Variants in SLC16A7 observed in about 807,000 individuals in gnomAD.
SLC16A7 encodes monocarboxylate transporter 2.
Under a neutral mutation model 34.9 loss-of-function variants are expected in SLC16A7, and 33 were observed. That is an observed-to-expected ratio of 0.94 (90% CI 0.72 to 1.26). SLC16A7 has a LOEUF of 1.26. SLC16A7 is among the 50% of genes most tolerant of loss of function. SLC16A7 has a pLI of 0.00. For missense variants in SLC16A7, 573 were observed against 578.1 expected (o/e 0.99, Z 0.09); for synonymous variants, 201 against 206.6 (o/e 0.97, Z 0.23).
intron 3 of SLC16A7, among the ~76,000 whole-genome samples, chr12:59,740,457 A>G (rs986296230): frequency 3.3e-5 from 5 of 152,162 alleles, no homozygotes; most frequent in African/African-American, 9.7e-5. Context: ...GCCTTGTAGT[A>G]TAGTTTGAAG....
chr12:59,679,828 C>T (rs956763950), intron 2 of SLC16A7, among the ~76,000 whole-genome samples: 5 of 151,930 alleles, frequency 3.3e-5, no homozygotes, highest in African/African-American at 1.2e-4. Flanking sequence ...ATCATAAGGG[C>T]AAAATTAGAA....
intron 3 of SLC16A7, among the ~76,000 whole-genome samples, chr12:59,763,116 G>A (rs1881191735): frequency 6.6e-6 from 1 of 151,850 alleles, no homozygotes; most frequent in Admixed American, 6.6e-5. Flanking sequence ...GATAATTACT[G>A]AATAAAATGT....
At position 59,771,348 on chromosome 12, in the gene SLC16A7, TG is replaced by T. The variant is rs779396255; in HGVS notation, c.350del (p.Gly117AspfsTer6). ...AGCGTGGTACAGCTGTACCTCACTATGGGATTCATTACAGGTAAGCCATTTA... is the reference window on the plus strand; with the variant it reads ...AGCGTGGTACAGCTGTACCTCACTATGGATTCATTACAGGTAAGCCATTTA... ...SSSVVQLYLT[M>X]GFITGLGLAF... On this transcript the variant is annotated frameshift_variant, in exon 4 of 6. Coordinates refer to ENST00000547379, the MANE Select transcript of SLC16A7 (RefSeq NM_001270623.2). LOFTEE classifies it high-confidence loss of function. The T allele has an allele frequency of 4.4e-6, 7 of 1,605,460 alleles. No individual in the cohort carries two copies. Among genetic ancestry groups the T allele is most frequent in the Admixed American group, 1.7e-5 (1 of 58,546 alleles).
At chr12:59,652,062 T>C (rs1229075093) in intron 1 of SLC16A7, among the ~76,000 whole-genome samples, 1 of 151,892 alleles carries the variant, frequency 6.6e-6, no homozygotes, top group Non-Finnish European at 1.5e-5. Context: ...CCTTATAGAG[T>C]AGATTGTTTG....
chr12:59,610,944 T>G (rs1426112343), intron 1 of SLC16A7, among the ~76,000 whole-genome samples: 1 of 152,038 alleles, frequency 6.6e-6, no homozygotes, highest in African/African-American at 2.4e-5. Context: ...TTCACAGTTC[T>G]GGAGGCTGGC....
Position 59,782,039 on chromosome 12 carries a change from C to T in SLC16A7, c.*2360C>T, listed in dbSNP as rs1444235119. 10 of 152,166 alleles carry T rather than the reference C, an allele frequency of 6.6e-5. No homozygotes were observed. Among genetic ancestry groups the T allele is most frequent in the Non-Finnish European group, 1.5e-4 (10 of 68,022 alleles). The allele number at this position is 152,166 out of a possible 1,614,324, so 9.4% of individuals were successfully genotyped here. ...TCAAAACCAGTTCACATTTGTCTGG[C>T]TGCTCTTTGGTTGTCTTCATTCGTT... is the stretch of plus-strand genomic sequence containing the variant. On this transcript the variant is annotated 3_prime_UTR_variant, in exon 6 of 6. Coordinates refer to ENST00000547379, the MANE Select transcript of SLC16A7 (RefSeq NM_001270623.2).
rs551596781 is a variant in SLC16A7 at position 59,728,545 on chromosome 12, A to G, written c.217+23527A>G. 2.6e-5 allele frequency among the ~76,000 whole-genome samples: 4 copies of G among 152,326 alleles called. No homozygotes were observed. In the South Asian group the frequency reaches 8.3e-4, roughly 32 times the overall value. On this transcript the variant is annotated intron_variant, in intron 3 of 5. Transcript: ENST00000547379. ...TATCGTCATCCAGGTGTGGTGGCTC[A>G]TGCTTGTAATCCCAGCACTTTGGAA... is the stretch of plus-strand genomic sequence containing the variant.
At chr12:59,777,259 A>G (rs929987496) in intron 5 of SLC16A7, among the ~76,000 whole-genome samples, 3 of 152,192 alleles carry the variant, frequency 2.0e-5, no homozygotes, top group Non-Finnish European at 4.4e-5. Flanking sequence ...GACTGTAGCC[A>G]TTATATATCC....
rs1883740156 is a variant in SLC16A7 at position 59,787,999 on chromosome 12, T to C, written c.*8320T>C. 6.6e-6 allele frequency: 1 copy of C among 152,220 alleles called. No individual in the cohort carries two copies. The highest frequency in any genetic ancestry group is 2.4e-5 in the African/African-American group (1 of 41,464). The allele number at this position is 152,220 out of a possible 1,614,324, so 9.4% of individuals were successfully genotyped here. On this transcript the variant is annotated 3_prime_UTR_variant, in exon 6 of 6. Coordinates refer to ENST00000547379, the MANE Select transcript of SLC16A7 (RefSeq NM_001270623.2). ...AAGTGCTTGCTACAACTGACTAAAT[T>C]TGAAGCTTTTTATGTAAAAGTTCTT... is the stretch of plus-strand genomic sequence containing the variant.
chr12:59,685,330 G>T (rs1308974265), intron 2 of SLC16A7, among the ~76,000 whole-genome samples: 1 of 152,134 alleles, frequency 6.6e-6, no homozygotes, highest in African/African-American at 2.4e-5. Flanking sequence ...CCTTGGAGAG[G>T]ATTTTCATAG....
rs184345677 is a variant in SLC16A7, at chr12:59,596,823, G to C, written c.-130+587G>C. 1.3e-5 allele frequency among the ~76,000 whole-genome samples: 2 copies of C among 152,324 alleles called. No individual in the cohort carries two copies. The highest frequency in any genetic ancestry group is 4.8e-5 in the African/African-American group (2 of 41,576). ...AGACGAAATACCGGGGGATGGGGGGGTTGTCTTTCTTCATTTTTGGTCCCC... is the reference window on the plus strand; with the variant it reads ...AGACGAAATACCGGGGGATGGGGGGCTTGTCTTTCTTCATTTTTGGTCCCC... On this transcript the variant is annotated intron_variant, in intron 1 of 5. Coordinates refer to ENST00000547379, the MANE Select transcript of SLC16A7 (RefSeq NM_001270623.2). This position sits in a 1 kb window ranked among gnomAD's most constrained non-coding sequence, Gnocchi z 5.0.
At chr12:59,619,309 G>A (rs932671186) in intron 1 of SLC16A7, among the ~76,000 whole-genome samples, 1 of 151,932 alleles carries the variant, frequency 6.6e-6, no homozygotes, top group Non-Finnish European at 1.5e-5. Flanking sequence ...AATCTTGGAG[G>A]TTATTTAGCC....
chr12:59,616,040 TC>T (rs1879433943), intron 1 of SLC16A7, among the ~76,000 whole-genome samples: 1 of 152,116 alleles, frequency 6.6e-6, no homozygotes, highest in East Asian at 1.9e-4. Context: ...ACCTAACAGT[TC>T]CCAGAAGCCA....
At chr12:59,729,285 T>A (rs994096398) in intron 3 of SLC16A7, among the ~76,000 whole-genome samples, 6 of 152,242 alleles carry the variant, frequency 3.9e-5, no homozygotes, top group African/African-American at 1.4e-4. Context: ...TTATAACTCA[T>A]CATGCGGATT....
At chr12:59,681,581 A>G (rs1249607500) in intron 2 of SLC16A7, among the ~76,000 whole-genome samples, 4 of 152,164 alleles carry the variant, frequency 2.6e-5, no homozygotes, top group Non-Finnish European at 5.9e-5. Flanking sequence ...ATTCCTGTTC[A>G]TCAGGAGATC....
intron 3 of SLC16A7, among the ~76,000 whole-genome samples, chr12:59,770,391 A>C (rs1240069238): frequency 6.6e-6 from 1 of 152,134 alleles, no homozygotes; most frequent in African/African-American, 2.4e-5. Flanking sequence ...TCATCTAAAG[A>C]GCTACACCCA....
intron 1 of SLC16A7, among the ~76,000 whole-genome samples, chr12:59,629,554 C>CTTTTACAAG (rs1880085263): frequency 6.6e-6 from 1 of 151,816 alleles, no homozygotes; most frequent in African/African-American, 2.4e-5. Context: ...AAAATAAACT[C>CTTTTACAAG]TTTTACAAGC....
chr12:59,735,371 T>C (rs1327499934), intron 3 of SLC16A7, among the ~76,000 whole-genome samples: 2 of 152,186 alleles, frequency 1.3e-5, no homozygotes, highest in Admixed American at 6.5e-5. Flanking sequence ...GTGGTTCCAG[T>C]AATGCCTGAT....
At chr12:59,632,709 C>A (rs962456701) in intron 1 of SLC16A7, among the ~76,000 whole-genome samples, 1 of 151,972 alleles carries the variant, frequency 6.6e-6, no homozygotes, top group African/African-American at 2.4e-5. Context: ...AACAGTATCA[C>A]CCCCGGTTAA....
Sources: allele counts gnomAD v4.1 joint callset (sites outside exome capture counted in the v4.1 genomes callset), GRCh38; gene constraint gnomAD v4.1.1; non-coding constraint Gnocchi (gnomAD v3.1); transcripts MANE v1.5; gene names NCBI Gene and HGNC (gene_info 2026-07-23, HGNC 2026-07-21).